SAMD4A: variants seen among roughly 807,000 people sequenced by gnomAD.
The protein encoded by SAMD4A is sterile alpha motif domain containing 4A, also known as protein Smaug homolog 1.
SAMD4A carries 33 observed loss-of-function variants against 81.3 expected under a neutral mutation model. The observed-to-expected ratio is 0.41, with a 90% CI of 0.31 to 0.54. SAMD4A has a LOEUF of 0.54. Ranked by LOEUF, SAMD4A falls within the 20% of genes least tolerant of loss-of-function variation. The pLI, the probability that SAMD4A is intolerant of heterozygous loss-of-function variation, is 0.37. For missense variants in SAMD4A, 854 were observed against 951.1 expected (o/e 0.90, Z 1.34); for synonymous variants, 389 against 382.1 (o/e 1.02, Z -0.21).
intron 2 of SAMD4A, chr14:54,681,729 G>A (rs2036133372): frequency 2.1e-6 from 2 of 941,354 alleles, no homozygotes; most frequent in African/African-American, 1.8e-5. Context: ...ACCACGCCCT[G>A]CCTTTTAGAA....
rs1200169175 is a variant in SAMD4A, at chr14:54,630,906, ATATGTG to A, written c.196+62796_196+62801del. 5.8e-4 allele frequency among the ~76,000 whole-genome samples: 38 copies of A among 65,552 alleles called. No homozygotes were observed. The East Asian group carries it at 0.011, about 18-fold the overall frequency. The allele number at this position is 65,552 out of a possible 152,430, so 43.0% of individuals were successfully genotyped here. A position where few individuals can be genotyped will look rare whatever the true frequency, so the allele number is the denominator to read the frequency against. ...ACACATATAATAAATCTTGTATTTT[ATATGTG>A]TGTGTGTGTGTGTGTGTGTGTGTGT... On this transcript the variant is annotated intron_variant, in intron 2 of 12. Transcript: ENST00000554335.
intron 3 of SAMD4A, among the ~76,000 whole-genome samples, chr14:54,714,823 C>A (rs902701982): frequency 1.2e-4 from 19 of 152,184 alleles, no homozygotes; most frequent in African/African-American, 4.6e-4. Flanking sequence ...TCTGGGGAAG[C>A]CCTATGACAA....
intron 2 of SAMD4A, chr14:54,652,915 CTTCTT>C (rs2140429781): frequency 6.6e-6 from 1 of 152,260 alleles, no homozygotes; most frequent in Non-Finnish European, 1.5e-5. Context: ...TCCTGATTCT[CTTCTT>C]CCATTTTTGC....
chr14:54,763,102 G>A (rs577452222), intron 7 of SAMD4A, among the ~76,000 whole-genome samples: 101 of 151,936 alleles, frequency 6.6e-4, no homozygotes, highest in Non-Finnish European at 1.3e-3. Flanking sequence ...TGATCTGCCC[G>A]CCTCAGCCTC....
At chr14:54,641,462 A>C (rs904688779) in intron 2 of SAMD4A, among the ~76,000 whole-genome samples, 5 of 152,244 alleles carry the variant, frequency 3.3e-5, no homozygotes, top group Non-Finnish European at 7.3e-5. Context: ...CTCAAAGAAT[A>C]GTCTCTTTGT....
chr14:54,662,358 G>T (rs568056823), intron 2 of SAMD4A, among the ~76,000 whole-genome samples: 1 of 150,566 alleles, frequency 6.6e-6, no homozygotes, highest in East Asian at 1.9e-4. Context: ...TATGATTATT[G>T]TACTTATTGG....
intron 8 of SAMD4A, among the ~76,000 whole-genome samples, chr14:54,766,433 A>G (rs764319502): frequency 3.9e-5 from 6 of 152,210 alleles, no homozygotes; most frequent in Non-Finnish European, 8.8e-5. Flanking sequence ...AAAGCCTCTG[A>G]TAAGGTCATC....
chr14:54,727,435 C>T (rs1241588207), intron 3 of SAMD4A, among the ~76,000 whole-genome samples: 11 of 151,904 alleles, frequency 7.2e-5, no homozygotes, highest in Non-Finnish European at 1.5e-4. Flanking sequence ...GTGATCCACC[C>T]GCCTCGGCCT....
At chr14:54,596,926 A>G (rs2033924381) in intron 2 of SAMD4A, among the ~76,000 whole-genome samples, 1 of 152,208 alleles carries the variant, frequency 6.6e-6, no homozygotes, top group Non-Finnish European at 1.5e-5. Context: ...TTCTCTGTTC[A>G]TAGCCTTCCT....
chr14:54,709,959 G>A (rs1594843369), intron 3 of SAMD4A, among the ~76,000 whole-genome samples: 1 of 152,192 alleles, frequency 6.6e-6, no homozygotes, highest in African/African-American at 2.4e-5. Flanking sequence ...TCTGACCCTT[G>A]TCTGTTCTTC....
intron 6 of SAMD4A, among the ~76,000 whole-genome samples, chr14:54,759,712 C>T (rs1193270799): frequency 6.6e-6 from 1 of 152,218 alleles, no homozygotes; most frequent in Admixed American, 6.5e-5. Flanking sequence ...AATCGCTACC[C>T]TGTGCTGCGT....
chr14:54,787,849 C>T (rs1566641936), intron 12 of SAMD4A, among the ~76,000 whole-genome samples: 1 of 152,176 alleles, frequency 6.6e-6, no homozygotes, highest in Admixed American at 6.5e-5. Flanking sequence ...AATTAAATCT[C>T]ATTACTCTAC....
intron 11 of SAMD4A, among the ~76,000 whole-genome samples, chr14:54,781,449 G>A (rs2038997223): frequency 6.6e-6 from 1 of 152,230 alleles, no homozygotes; most frequent in Admixed American, 6.5e-5. Context: ...TGGGACTTCT[G>A]AAAAGATACA....
At chr14:54,761,515 A>C (rs1193844828) in intron 7 of SAMD4A, among the ~76,000 whole-genome samples, 1 of 152,194 alleles carries the variant, frequency 6.6e-6, no homozygotes. Flanking sequence ...AAAAGTTTGC[A>C]TATTTTCCTG....
intron 4 of SAMD4A, among the ~76,000 whole-genome samples, chr14:54,741,398 G>A (rs977302883): frequency 1.3e-5 from 2 of 152,218 alleles, no homozygotes; most frequent in Admixed American, 1.3e-4. Flanking sequence ...TTAACAAAAT[G>A]CCACAGCTAT....
intron 2 of SAMD4A, among the ~76,000 whole-genome samples, chr14:54,633,945 C>T (rs1036651909): frequency 1.3e-5 from 2 of 151,716 alleles, no homozygotes; most frequent in Non-Finnish European, 2.9e-5. Flanking sequence ...ACTGTGTCCT[C>T]AGCATTTGGA....
At chr14:54,784,397 G>A (rs1283456483) in intron 11 of SAMD4A, 140 bp from the exon 12 acceptor site, 9 of 1,586,646 alleles carry the variant, frequency 5.7e-6, no homozygotes, top group South Asian at 2.3e-5. Context: ...TTGAGCCTGA[G>A]TGGAGCCCCT....
At chr14:54,714,753 TAGTA>T (rs1415854617) in intron 3 of SAMD4A, among the ~76,000 whole-genome samples, 1 of 152,140 alleles carries the variant, frequency 6.6e-6, no homozygotes, top group African/African-American at 2.4e-5. Context: ...CTGCTGGTAA[TAGTA>T]AGGGTGCTTC....
intron 2 of SAMD4A, among the ~76,000 whole-genome samples, chr14:54,695,817 G>C (rs1172343991): frequency 6.6e-6 from 1 of 152,120 alleles, no homozygotes; most frequent in African/African-American, 2.4e-5. Context: ...GCCAGGCGTG[G>C]TGGCGCATGC....
Sources: allele counts gnomAD v4.1 joint callset (sites outside exome capture counted in the v4.1 genomes callset), GRCh38; gene constraint gnomAD v4.1.1; transcripts MANE v1.5; gene names NCBI Gene and HGNC (gene_info 2026-07-23, HGNC 2026-07-21).